CDH18: variants seen among roughly 807,000 people sequenced by gnomAD.
The protein encoded by CDH18 is cadherin-18.
In CDH18, 31 loss-of-function variants were observed where a neutral mutation model predicts 67.9. That is an observed-to-expected ratio of 0.46 (90% CI 0.34 to 0.62). The LOEUF (loss-of-function observed/expected upper bound fraction) is 0.62, where lower values mean the gene tolerates loss of function less well. CDH18 is among the 20% of genes least tolerant of loss of function. CDH18 has a pLI of 0.01. For synonymous variants in CDH18, 362 were observed against 347.2 expected, an observed-to-expected ratio of 1.04 and a Z score of -0.48; for missense variants, 890 against 975.5, an observed-to-expected ratio of 0.91 and a Z score of 1.17.
At chr5:19,704,263 C>T (rs1182519154) in intron 5 of CDH18, among the ~76,000 whole-genome samples, 3 of 152,122 alleles carry the variant, frequency 2.0e-5, no homozygotes, top group Non-Finnish European at 2.9e-5. Flanking sequence ...ACTGGCTGTC[C>T]ACATGGCCAG....
chr5:20,487,252 C>T (rs1260977570), intron 1 of CDH18, among the ~76,000 whole-genome samples: 1 of 151,800 alleles, frequency 6.6e-6, no homozygotes, highest in African/African-American at 2.4e-5. Context: ...AAATGAAAAT[C>T]CCAGCATTTT....
intron 2 of CDH18, among the ~76,000 whole-genome samples, chr5:20,056,921 G>T (rs1260443683): frequency 6.6e-6 from 1 of 151,804 alleles, no homozygotes; most frequent in Non-Finnish European, 1.5e-5. Flanking sequence ...TCCTGACCTG[G>T]TGATCAGCCC....
At chr5:20,360,190 T>C (rs1034566483) in intron 1 of CDH18, among the ~76,000 whole-genome samples, 1 of 145,316 alleles carries the variant, frequency 6.9e-6, no homozygotes, top group East Asian at 2.2e-4. Flanking sequence ...AGATAAACAT[T>C]AGACTAATAA....
chr5:20,021,145 G>C (rs1330531491), intron 2 of CDH18, among the ~76,000 whole-genome samples: 1 of 152,020 alleles, frequency 6.6e-6, no homozygotes, highest in Non-Finnish European at 1.5e-5. Flanking sequence ...CCTTTGTTTT[G>C]TTCAGTCTCT....
chr5:19,656,583 T>C (rs1756436113), intron 5 of CDH18, among the ~76,000 whole-genome samples: 1 of 152,094 alleles, frequency 6.6e-6, no homozygotes. Flanking sequence ...GTTAAAGGTC[T>C]ATAAATATAT....
At chr5:19,585,832 C>A (rs1310885779) in intron 7 of CDH18, among the ~76,000 whole-genome samples, 1 of 152,102 alleles carries the variant, frequency 6.6e-6, no homozygotes, top group Non-Finnish European at 1.5e-5. Context: ...CTCTCTCCAC[C>A]TCATCACAAT....
At chr5:19,615,601 T>C (rs350670) in intron 5 of CDH18, among the ~76,000 whole-genome samples, 5,800 of 152,264 alleles carry the variant, frequency 0.038, 325 homozygotes, top group African/African-American at 0.12. Flanking sequence ...TGGTGTTGTA[T>C]ATGGTATGGG....
At chr5:19,594,747 A>C (rs1446693986) in intron 6 of CDH18, among the ~76,000 whole-genome samples, 1 of 152,152 alleles carries the variant, frequency 6.6e-6, no homozygotes, top group Non-Finnish European at 1.5e-5. Flanking sequence ...CTGTAAAAAA[A>C]TGTCATTTGG....
chr5:20,171,487 A>G (rs916349761), intron 2 of CDH18, among the ~76,000 whole-genome samples: 8 of 150,812 alleles, frequency 5.3e-5, no homozygotes, highest in Non-Finnish European at 1.0e-4. Context: ...TTTTTTTTTC[A>G]TATGCTTGTT....
chr5:19,508,131 C>T (rs1744519559), intron 10 of CDH18, among the ~76,000 whole-genome samples: 1 of 151,180 alleles, frequency 6.6e-6, no homozygotes, highest in South Asian at 2.1e-4. Context: ...TGCTTGGTCT[C>T]TGCTCTGTAT....
At chr5:19,667,928 C>G (rs1758192648) in intron 5 of CDH18, among the ~76,000 whole-genome samples, 1 of 151,816 alleles carries the variant, frequency 6.6e-6, no homozygotes, top group Non-Finnish European at 1.5e-5. Flanking sequence ...TTCTTACTCT[C>G]TAGCCATGTG....
At position 20,371,021 on chromosome 5, in the gene CDH18, G is replaced by A. The variant is rs578074787; in HGVS notation, c.-579-115516C>T. ...CATTGCACTCCACCCTGGGCGACAGGGCGAGACTCTGTCTCAAAAAAAAAA... is the reference window on the plus strand; with the variant it reads ...CATTGCACTCCACCCTGGGCGACAGAGCGAGACTCTGTCTCAAAAAAAAAA... On this transcript the variant is annotated intron_variant, in intron 1 of 14. Transcript: ENST00000507958. Among the ~76,000 whole-genome samples the A allele has an allele frequency of 2.3e-4, 33 of 145,946 alleles. No individual in the cohort carries two copies. In the South Asian group the frequency reaches 5.9e-3, roughly 26 times the overall value.
At chr5:20,007,490 A>G (rs1393079305) in intron 2 of CDH18, among the ~76,000 whole-genome samples, 1 of 152,192 alleles carries the variant, frequency 6.6e-6, no homozygotes, top group East Asian at 1.9e-4. Context: ...AAACTATTAC[A>G]GTTAAATGTC....
chr5:20,233,916 T>C (rs1742275309), intron 2 of CDH18, among the ~76,000 whole-genome samples: 1 of 152,120 alleles, frequency 6.6e-6, no homozygotes, highest in South Asian at 2.1e-4. Flanking sequence ...GTCTATTTTA[T>C]TCCATGGAAA....
intron 6 of CDH18, among the ~76,000 whole-genome samples, chr5:19,609,814 C>T (rs1018704991): frequency 6.6e-6 from 1 of 152,004 alleles, no homozygotes; most frequent in Non-Finnish European, 1.5e-5. Context: ...AATTCAACTA[C>T]TGGATCCATT....
At chr5:20,042,087 G>A (rs891586061) in intron 2 of CDH18, among the ~76,000 whole-genome samples, 1 of 152,188 alleles carries the variant, frequency 6.6e-6, no homozygotes. Context: ...CAAGGCACAC[G>A]AGCTTTTCTC....
intron 2 of CDH18, among the ~76,000 whole-genome samples, chr5:20,002,276 T>C (rs1646309313): frequency 6.6e-6 from 1 of 152,214 alleles, no homozygotes. Context: ...TTATTGCACA[T>C]ATGGTAGATA....
At chr5:20,114,844 G>A (rs956075346) in intron 2 of CDH18, among the ~76,000 whole-genome samples, 3 of 152,056 alleles carry the variant, frequency 2.0e-5, no homozygotes, top group African/African-American at 7.2e-5. Flanking sequence ...ACTTTAAGAT[G>A]TGCAAGAAAT....
At chr5:19,684,091 T>A (rs1465331147) in intron 5 of CDH18, among the ~76,000 whole-genome samples, 1 of 152,144 alleles carries the variant, frequency 6.6e-6, no homozygotes. Flanking sequence ...TTTTCCTTTC[T>A]ATAGTTTCTA....
Sources: gnomAD v4.1 joint callset for allele counts (sites outside exome capture counted in the v4.1 genomes callset) on GRCh38, gnomAD v4.1.1 for gene constraint, MANE v1.5 for transcripts, NCBI Gene and HGNC (gene_info 2026-07-23, HGNC 2026-07-21) for gene names.